The following FLRT1 variants were observed in gnomAD, a reference collection of about 807,000 sequenced individuals.
FLRT1 encodes leucine-rich repeat transmembrane protein FLRT1.
Under a neutral mutation model 30.9 loss-of-function variants are expected in FLRT1, and 14 were observed. The ratio of observed to expected loss-of-function variants is 0.45; its 90% CI spans 0.30 to 0.71. The LOEUF (loss-of-function observed/expected upper bound fraction) is 0.71, where lower values mean the gene tolerates loss of function less well. Ranked by LOEUF, FLRT1 falls within the 30% of genes least tolerant of loss-of-function variation. The pLI is 0.08. For synonymous variants in FLRT1, 368 were observed against 430.4 expected (o/e 0.85, Z 1.80); for missense variants, 737 against 949.2 (o/e 0.78, Z 2.94).
At chr11:64,073,216 G>A (rs78433487) in intron 1 of FLRT1, among the ~76,000 whole-genome samples, 6,750 of 152,270 alleles carry the variant, frequency 0.044, 217 homozygotes, top group South Asian at 0.12. Flanking sequence ...CCCCTCATCC[G>A]GCCATCGGTT....
intron 1 of FLRT1, among the ~76,000 whole-genome samples, chr11:64,069,379 A>G (rs900585039): frequency 2.6e-5 from 4 of 152,162 alleles, no homozygotes; most frequent in African/African-American, 9.7e-5. Flanking sequence ...CTCTGGCCCA[A>G]AGCCCCAGGA....
In FLRT1 at chr11:64,064,274, G is replaced by A. The variant is rs12294048; in HGVS notation, c.-1038+28115G>A. ...GGACAAAAAGCAACCAAGCCACACCGTAGTCTCCACGTGCAGCCCTGTTCA... is the reference window on the plus strand; with the variant it reads ...GGACAAAAAGCAACCAAGCCACACCATAGTCTCCACGTGCAGCCCTGTTCA... On this transcript the variant is annotated intron_variant, in intron 1 of 2. Transcript: ENST00000682287. The surrounding 1 kb of genome is among the most constrained non-coding windows in gnomAD (Gnocchi z 4.5). Among the ~76,000 whole-genome samples, 23,066 of 152,152 alleles carry A rather than the reference G, an allele frequency of 0.15. 2,952 individuals carry two copies. Among genetic ancestry groups the A allele is most frequent in the East Asian group, 0.4 (2,058 of 5,168 alleles).
intron 1 of FLRT1, among the ~76,000 whole-genome samples, chr11:64,074,106 CCT>C (rs1167949587): frequency 1.3e-5 from 2 of 152,204 alleles, no homozygotes; most frequent in Non-Finnish European, 2.9e-5. Flanking sequence ...GGCCTTGCCT[CCT>C]CTCAAAGAAA....
At chr11:64,087,949 G>T (rs959319069) in intron 1 of FLRT1, among the ~76,000 whole-genome samples, 3 of 152,170 alleles carry the variant, frequency 2.0e-5, no homozygotes, top group African/African-American at 7.2e-5. Context: ...AGGGGAGGCC[G>T]GGCCTCCTCA....
At chr11:64,109,526 C>T (rs535934280) in intron 2 of FLRT1, among the ~76,000 whole-genome samples, 14 of 152,154 alleles carry the variant, frequency 9.2e-5, no homozygotes, top group African/African-American at 3.4e-4. Flanking sequence ...GGGACAGAAG[C>T]CTCAGGACTT....
intron 1 of FLRT1, among the ~76,000 whole-genome samples, chr11:64,085,751 G>A (rs984658757): frequency 6.6e-6 from 1 of 152,186 alleles, no homozygotes; most frequent in Non-Finnish European, 1.5e-5. Flanking sequence ...TCCATTGGGG[G>A]CCTGCTTCTC....
intron 1 of FLRT1, among the ~76,000 whole-genome samples, chr11:64,083,339 G>A (rs865815400): frequency 3.3e-5 from 5 of 152,156 alleles, no homozygotes; most frequent in African/African-American, 9.7e-5. Context: ...CAGAGGCTGA[G>A]GCAGGAGAAT....
At chr11:64,094,986 T>G (rs555561740) in intron 1 of FLRT1, among the ~76,000 whole-genome samples, 1 of 152,342 alleles carries the variant, frequency 6.6e-6, no homozygotes, top group Non-Finnish European at 1.5e-5. Flanking sequence ...TCGTTAGCTG[T>G]GGCTTCAAAG....
At chr11:64,050,546 G>T (rs941709973) in intron 1 of FLRT1, among the ~76,000 whole-genome samples, 2 of 152,330 alleles carry the variant, frequency 1.3e-5, no homozygotes, top group African/African-American at 4.8e-5. Flanking sequence ...GTCACCTGGT[G>T]AGGACAGCCC....
At chr11:64,071,406 C>T (rs1014201995) in intron 1 of FLRT1, among the ~76,000 whole-genome samples, 86 of 152,296 alleles carry the variant, frequency 5.6e-4, no homozygotes, top group Admixed American at 2.4e-3. Flanking sequence ...ATGAAACTCA[C>T]GGATGGAGAC....
chr11:64,098,937 A>C (rs1410048587), intron 1 of FLRT1, among the ~76,000 whole-genome samples: 2 of 152,272 alleles, frequency 1.3e-5, no homozygotes, highest in African/African-American at 4.8e-5. Flanking sequence ...GAAATGAAAC[A>C]GGAGGGCTAA....
At chr11:64,037,993 C>T (rs1286026866) in intron 1 of FLRT1, among the ~76,000 whole-genome samples, 1 of 152,190 alleles carries the variant, frequency 6.6e-6, no homozygotes, top group Non-Finnish European at 1.5e-5. Context: ...AGGGTATCTG[C>T]AGGGACTTCA....
intron 1 of FLRT1, among the ~76,000 whole-genome samples, chr11:64,069,425 C>G (rs1793364857): frequency 1.3e-5 from 2 of 152,340 alleles, no homozygotes; most frequent in South Asian, 4.1e-4. Flanking sequence ...CTCAGGGACC[C>G]TGGGGGTCTT....
intron 2 of FLRT1, among the ~76,000 whole-genome samples, 191 bp from the exon 3 acceptor site, chr11:64,116,028 C>A (rs187137593): frequency 1.2e-4 from 19 of 152,342 alleles, no homozygotes; most frequent in African/African-American, 4.3e-4. Flanking sequence ...TAGAGTCCGA[C>A]CTCGGCGGGA....
chr11:64,099,544 GGA>G (rs1944634649), intron 1 of FLRT1, among the ~76,000 whole-genome samples: 1 of 152,046 alleles, frequency 6.6e-6, no homozygotes, highest in Non-Finnish European at 1.5e-5. Flanking sequence ...ATGAAAAGAT[GGA>G]GAGATGGATG....
At chr11:64,114,902 T>C (rs1187550800) in intron 2 of FLRT1, among the ~76,000 whole-genome samples, 1 of 152,148 alleles carries the variant, frequency 6.6e-6, no homozygotes, top group Non-Finnish European at 1.5e-5. Flanking sequence ...CAAGAGTAGC[T>C]TGCTCGATGG....
intron 1 of FLRT1, chr11:64,060,678 GTTCATTCGTTCA>G (rs956196996): frequency 7.8e-6 from 1 of 128,898 alleles, no homozygotes; most frequent in African/African-American, 4.0e-5. Context: ...CTTCTCTTTA[GTTCATTCGTTCA>G]TTCATTCATT....
rs1185391130 is a variant in FLRT1 at position 64,116,500 on chromosome 11, A to T, written c.233A>T (p.Asp78Val). 1 of 1,613,826 alleles carries T rather than the reference A, an allele frequency of 6.2e-7. No homozygotes were observed. The highest frequency in any genetic ancestry group is 1.3e-5 in the African/African-American group (1 of 74,894). Residue 78 changes from aspartate to valine, a missense_variant, in exon 3 of 3, where the codon GAT becomes GTT. By Grantham distance (152) the Asp-to-Val change is radical. Transcript: ENST00000682287. ...NDRGLTSIPA[D>V]IPDDATTLYL... ...CGGGGACTCACATCCATCCCCGCAGATATCCCTGATGATGCCACCACCCTC... is the reference window on the plus strand; with the variant it reads ...CGGGGACTCACATCCATCCCCGCAGTTATCCCTGATGATGCCACCACCCTC...
Position 64,036,287 on chromosome 11 carries a change from C to G in FLRT1, c.-1038+128C>G, listed in dbSNP as rs893730969. On this transcript the variant is annotated intron_variant, in intron 1 of 2. Transcript: ENST00000682287. This position sits in a 1 kb window ranked among gnomAD's most constrained non-coding sequence, Gnocchi z 5.6. ...ACGGGGTCAGGCAGCCTGGCTTTGC[C>G]CCAGAGCGGCGGGAGATGGGACGCC... is the stretch of plus-strand genomic sequence containing the variant. 4 of 152,252 alleles carry G rather than the reference C, an allele frequency of 2.6e-5. No homozygotes were observed. The highest frequency in any genetic ancestry group is 9.7e-5 in the African/African-American group (4 of 41,438). 9.4% of individuals were successfully genotyped at this position (152,252 alleles called of 1,614,324 possible).
Sources: gnomAD v4.1 joint callset for allele counts (sites outside exome capture counted in the v4.1 genomes callset) on GRCh38, gnomAD v4.1.1 for gene constraint, Gnocchi (gnomAD v3.1) non-coding constraint, MANE v1.5 for transcripts, NCBI Gene and HGNC (gene_info 2026-07-23, HGNC 2026-07-21) for gene names.